EXOC6: variants seen among roughly 807,000 people sequenced by gnomAD.
EXOC6 encodes exocyst complex component 6, also known as SEC15-like 1.
In EXOC6, 60 loss-of-function variants were observed where a neutral mutation model predicts 112.5. The ratio of observed to expected loss-of-function variants is 0.53; its 90% CI spans 0.43 to 0.66. The LOEUF is 0.66. Ranked by LOEUF, EXOC6 falls within the 30% of genes least tolerant of loss-of-function variation. EXOC6 has a pLI of 0.00. For synonymous variants in EXOC6, 295 were observed against 308.0 expected, an observed-to-expected ratio of 0.96 and a Z score of 0.44; for missense variants, 855 against 957.1, an observed-to-expected ratio of 0.89 and a Z score of 1.41.
At chr10:92,900,286 A>G (rs1207582181) in intron 5 of EXOC6, 2 of 152,018 alleles carry the variant, frequency 1.3e-5, no homozygotes, top group East Asian at 1.9e-4. Context: ...CTTCCCCCCA[A>G]AAAACAAAAG....
At chr10:93,002,935 C>T (rs1843821759) in intron 19 of EXOC6, among the ~76,000 whole-genome samples, 1 of 152,090 alleles carries the variant, frequency 6.6e-6, no homozygotes, top group Non-Finnish European at 1.5e-5. Flanking sequence ...ACATAAAATC[C>T]TGCTAGTCTG....
intron 18 of EXOC6, among the ~76,000 whole-genome samples, chr10:92,979,477 T>C (rs1338274787): frequency 1.3e-5 from 2 of 152,172 alleles, no homozygotes; most frequent in Non-Finnish European, 2.9e-5. Flanking sequence ...TACAGATTAA[T>C]AGATAATGAT....
Position 92,884,960 on chromosome 10 carries a change from C to T in EXOC6, c.102-8389C>T, listed in dbSNP as rs570530462. On this transcript the variant is annotated intron_variant, in intron 1 of 21. Transcript: ENST00000260762. ...CATCTTTCCAAAAAATTCAAGTGGCCGTAGTTTCTCAGTTAAGACATTTGA... is the reference window on the plus strand; with the variant it reads ...CATCTTTCCAAAAAATTCAAGTGGCTGTAGTTTCTCAGTTAAGACATTTGA... Among the ~76,000 whole-genome samples, 7 of 151,994 alleles carry T rather than the reference C, an allele frequency of 4.6e-5. No individual in the cohort carries two copies. In the South Asian group the frequency reaches 8.3e-4, roughly 18 times the overall value.
At chr10:92,975,706 C>T (rs1306919470) in intron 18 of EXOC6, among the ~76,000 whole-genome samples, 1 of 124,032 alleles carries the variant, frequency 8.1e-6, no homozygotes, top group African/African-American at 3.1e-5. Flanking sequence ...TGAGGAGCCC[C>T]TCTGCCCGGC....
chr10:93,041,600 G>A (rs1216213311), intron 20 of EXOC6, among the ~76,000 whole-genome samples: 1 of 152,012 alleles, frequency 6.6e-6, no homozygotes, highest in Non-Finnish European at 1.5e-5. Flanking sequence ...TTTTAATAGA[G>A]ACAGGGTCTT....
chr10:93,055,926 C>A (rs1846516813), intron 20 of EXOC6, among the ~76,000 whole-genome samples: 1 of 152,158 alleles, frequency 6.6e-6, no homozygotes, highest in Non-Finnish European at 1.5e-5. Context: ...AGAGTTTTAT[C>A]CCTCTCAGAG....
intron 20 of EXOC6, among the ~76,000 whole-genome samples, chr10:93,042,926 CTATTAT>C (rs146131116): frequency 1.1e-3 from 161 of 143,702 alleles, no homozygotes; most frequent in Non-Finnish European, 2.1e-3. Context: ...AGATATTTTA[CTATTAT>C]TATTATTATT....
At chr10:92,902,874 T>A (rs1365070475) in intron 5 of EXOC6, among the ~76,000 whole-genome samples, 1 of 152,172 alleles carries the variant, frequency 6.6e-6, no homozygotes, top group Non-Finnish European at 1.5e-5. Context: ...CTCCCGATAA[T>A]GTTTTTAAAA....
chr10:92,880,424 G>A (rs149913866), intron 1 of EXOC6, among the ~76,000 whole-genome samples: 193 of 152,200 alleles, frequency 1.3e-3, no homozygotes, highest in Admixed American at 2.2e-3. Flanking sequence ...ACAGAGGGCC[G>A]ACTGTACTTG....
intron 10 of EXOC6, 45 bp from the exon 11 acceptor site, chr10:92,934,265 A>AT: frequency 6.5e-7 from 1 of 1,541,912 alleles, no homozygotes; most frequent in African/African-American, 1.4e-5. Context: ...ACTTTCTATT[A>AT]GGGTTTTTTT....
At chr10:93,049,283 G>C (rs147027682) in intron 20 of EXOC6, among the ~76,000 whole-genome samples, 119 of 152,020 alleles carry the variant, frequency 7.8e-4, no homozygotes, top group African/African-American at 2.8e-3. Context: ...GGATGGTCTC[G>C]ATCTCCTGTC....
rs547907772 is a variant in EXOC6 at position 92,939,754 on chromosome 10, T to C, written c.1213-973T>C. 2.0e-5 allele frequency among the ~76,000 whole-genome samples: 3 copies of C among 152,248 alleles called. No individual in the cohort carries two copies. The South Asian group carries it at 6.2e-4, about 32-fold the overall frequency. Reference sequence around the variant, plus strand: ...AGTTACACAAGGAAACTGGAAGGATTGTTCATAGATGGAGAACAAGAAGAG... The same window carrying C: ...AGTTACACAAGGAAACTGGAAGGATCGTTCATAGATGGAGAACAAGAAGAG... On this transcript the variant is annotated intron_variant, in intron 12 of 21. Coordinates refer to ENST00000260762, the MANE Select transcript of EXOC6 (RefSeq NM_019053.6).
chr10:92,955,850 G>A (rs746315751), intron 17 of EXOC6, 136 bp downstream of exon 17: 33 of 743,682 alleles, frequency 4.4e-5, no homozygotes, highest in Non-Finnish European at 6.4e-5. Flanking sequence ...TGTCAACAAT[G>A]AGCAAGTAAA....
chr10:93,039,263 G>C (rs1199989717), intron 20 of EXOC6, among the ~76,000 whole-genome samples: 2 of 152,126 alleles, frequency 1.3e-5, no homozygotes, highest in Admixed American at 6.5e-5. Flanking sequence ...AGTACTCATA[G>C]TTAAGTCACT....
At chr10:93,021,154 A>G (rs1844766243) in intron 20 of EXOC6, among the ~76,000 whole-genome samples, 1 of 151,666 alleles carries the variant, frequency 6.6e-6, no homozygotes, top group African/African-American at 2.4e-5. Flanking sequence ...TCCTAAAATC[A>G]TCCACACTTT....
In EXOC6 at chr10:92,934,262, A is replaced by G. The variant is rs144467583; in HGVS notation, c.1020-48A>G. On this transcript the variant is annotated intron_variant, in intron 10 of 21. Coordinates refer to ENST00000260762, the MANE Select transcript of EXOC6 (RefSeq NM_019053.6). The stretch of plus-strand genomic sequence containing the variant: ...TAAATGCCAGAAATACTTACTTTCT[A>G]TTAGGGTTTTTTTTTTTAACACATG... 5 of 1,543,834 alleles carry G rather than the reference A, an allele frequency of 3.2e-6. No homozygotes were observed. The Admixed American group carries it at 8.7e-5, about 27-fold the overall frequency.
At chr10:92,861,834 A>G (rs1490343387) in intron 1 of EXOC6, among the ~76,000 whole-genome samples, 1 of 152,214 alleles carries the variant, frequency 6.6e-6, no homozygotes, top group Non-Finnish European at 1.5e-5. Flanking sequence ...TGGTGTTTTA[A>G]AAAAATAATT....
At chr10:92,905,875 A>G (rs7070025) in intron 5 of EXOC6, among the ~76,000 whole-genome samples, 116,371 of 152,000 alleles carry the variant, frequency 0.77, 45,624 homozygotes, top group East Asian at 1. Flanking sequence ...GGTACTGTTC[A>G]GTTCAGCTAT....
intron 6 of EXOC6, among the ~76,000 whole-genome samples, chr10:92,911,035 T>C (rs1589815376): frequency 6.6e-6 from 1 of 152,256 alleles, no homozygotes; most frequent in African/African-American, 2.4e-5. Context: ...GTTCATGATA[T>C]TAATCTGTTT....
Sources: gnomAD v4.1 joint callset for allele counts (sites outside exome capture counted in the v4.1 genomes callset) on GRCh38, gnomAD v4.1.1 for gene constraint, MANE v1.5 for transcripts, NCBI Gene and HGNC (gene_info 2026-07-23, HGNC 2026-07-21) for gene names.